The following RAD51C variants were observed in gnomAD, a reference collection of about 807,000 sequenced individuals.
The protein encoded by RAD51C is DNA repair protein RAD51 homolog 3.
RAD51C carries 42 observed loss-of-function variants against 45.0 expected under a neutral mutation model. That is an observed-to-expected ratio of 0.93 (90% CI 0.73 to 1.21). The LOEUF (loss-of-function observed/expected upper bound fraction) is 1.21, where lower values mean the gene tolerates loss of function less well. Among genes scored for constraint, RAD51C ranks in the 50% most tolerant of loss-of-function variants. RAD51C has a pLI of 0.00. For synonymous variants in RAD51C, 172 were observed against 159.8 expected (o/e 1.08, Z -0.58); for missense variants, 474 against 452.2 (o/e 1.05, Z -0.44).
intron 3 of RAD51C, 69 bp downstream of exon 3, chr17:58,696,928 A>T (rs2143751412): frequency 6.6e-7 from 1 of 1,523,802 alleles, no homozygotes; most frequent in Non-Finnish European, 9.1e-7. Flanking sequence ...CCCATCTGAG[A>T]CCTCAGCAAC....
chr17:58,720,712 ACT>A, intron 5 of RAD51C, 32 bp from the exon 6 acceptor site: 7 of 1,516,682 alleles, frequency 4.6e-6, no homozygotes, highest in Non-Finnish European at 6.4e-6. Context: ...TTTCAAAGAG[ACT>A]CACCTAATTT....
At chr17:58,722,910 G>A (rs1440289188) in intron 6 of RAD51C, among the ~76,000 whole-genome samples, 1 of 152,092 alleles carries the variant, frequency 6.6e-6, no homozygotes, top group African/African-American at 2.4e-5. Context: ...GCGTAGAAAT[G>A]GATCATCAGA....
intron 3 of RAD51C, among the ~76,000 whole-genome samples, chr17:58,697,742 C>T (rs1319291933): frequency 6.7e-6 from 1 of 149,796 alleles, no homozygotes; most frequent in Non-Finnish European, 1.5e-5. Context: ...GACAAAGTTT[C>T]GCTTTTGCTG....
rs188278722 is a variant in RAD51C, at chr17:58,704,081, T to C, written c.705+752T>C. Among the ~76,000 whole-genome samples, 33 of 151,172 alleles carry C rather than the reference T, an allele frequency of 2.2e-4. No individual in the cohort carries two copies. In the East Asian group the frequency reaches 6.3e-3, roughly 29 times the overall value. On this transcript the variant is annotated intron_variant, in intron 4 of 8. Transcript: ENST00000337432. ...CTTTAATTTTGGTAAACATTATCAGTGACAAAGATTCTCCTTGACTGAACT... is the reference window on the plus strand; with the variant it reads ...CTTTAATTTTGGTAAACATTATCAGCGACAAAGATTCTCCTTGACTGAACT...
chr17:58,726,064 G>A (rs1449327889), intron 7 of RAD51C, among the ~76,000 whole-genome samples: 4 of 150,920 alleles, frequency 2.7e-5, no homozygotes, highest in Middle Eastern at 3.5e-3. Context: ...TAGATTGGGG[G>A]AAATCTGCTG....
At chr17:58,730,534 C>T (rs2049380215) in intron 7 of RAD51C, among the ~76,000 whole-genome samples, 2 of 152,020 alleles carry the variant, frequency 1.3e-5, no homozygotes, top group South Asian at 4.1e-4. Flanking sequence ...TTTAAAGTTG[C>T]AATTACAGAG....
chr17:58,701,380 C>T (rs1306600433), intron 3 of RAD51C, among the ~76,000 whole-genome samples: 5 of 151,498 alleles, frequency 3.3e-5, no homozygotes, highest in South Asian at 2.1e-4. Context: ...TGGTGGCGGG[C>T]GCCTGTAGTC....
chr17:58,694,841 T>C, intron 1 of RAD51C, 90 bp from the exon 2 acceptor site: 1 of 1,214,188 alleles, frequency 8.2e-7, no homozygotes. Flanking sequence ...AGCATCACTG[T>C]TGTCTACAAA....
intron 5 of RAD51C, among the ~76,000 whole-genome samples, chr17:58,715,143 A>C (rs1332318178): frequency 1.4e-5 from 2 of 143,942 alleles, no homozygotes; most frequent in African/African-American, 5.5e-5. Context: ...AAAAAAAAAA[A>C]CAAAAAAAAA....
chr17:58,695,021 C>T lies in RAD51C; in HGVS notation c.236C>T (p.Ser79Phe), dbSNP rs1555593569. 2 of 1,613,994 alleles carry T rather than the reference C, an allele frequency of 1.2e-6. No homozygotes were observed. The highest frequency in any genetic ancestry group is 8.5e-7 in the Non-Finnish European group (1 of 1,179,942). The change falls in exon 2 of 9, where the codon TCT becomes TTT. Residue 79 changes from serine (S) to phenylalanine (F), a missense_variant. By Grantham distance (155) the Ser-to-Phe change is radical. Transcript: ENST00000337432. ...AATAAACCAAGATATGCTGGTACAT[C>T]TGAGTCACACAAGAAGTGTACAGCA... ...LTNKPRYAGT[S>F]ESHKKCTALE...
chr17:58,696,875 A>T lies in RAD51C; in HGVS notation c.571+16A>T, dbSNP rs141621051. 1 of 1,613,274 alleles carries T rather than the reference A, an allele frequency of 6.2e-7. No homozygotes were observed. The highest frequency in any genetic ancestry group is 8.5e-7 in the Non-Finnish European group (1 of 1,179,234). On this transcript the variant is annotated intron_variant, in intron 3 of 8. Transcript: ENST00000337432. ...AAGGGAGAGGGTAAGTTAGTAAATG[A>T]TCTTCTTTTTTTCTGTATTAATAAA...
At chr17:58,715,508 C>T (rs2048704326) in intron 5 of RAD51C, among the ~76,000 whole-genome samples, 1 of 151,512 alleles carries the variant, frequency 6.6e-6, no homozygotes, top group Non-Finnish European at 1.5e-5. Flanking sequence ...TCTATTCTAC[C>T]CTCCCCCAGT....
intron 7 of RAD51C, among the ~76,000 whole-genome samples, chr17:58,724,782 T>G (rs2049056199): frequency 6.6e-6 from 1 of 152,188 alleles, no homozygotes; most frequent in African/African-American, 2.4e-5. Context: ...GTCAGATTCA[T>G]GCTAGCCTCT....
At chr17:58,714,965 A>G (rs2048680518) in intron 5 of RAD51C, among the ~76,000 whole-genome samples, 1 of 152,028 alleles carries the variant, frequency 6.6e-6, no homozygotes, top group Admixed American at 6.6e-5. Context: ...CCGTCATCCT[A>G]AAAAAGAAAC....
chr17:58,717,683 C>G lies in RAD51C; in HGVS notation c.838-3063C>G, dbSNP rs183698995. On this transcript the variant is annotated intron_variant, in intron 5 of 8. Transcript: ENST00000337432. ...CTCAGGAGGCGGAGGTTGCAGTGAG[C>G]CAAGATCATGCCATTGCACTCCAGC... 3.5e-4 allele frequency among the ~76,000 whole-genome samples: 53 copies of G among 152,192 alleles called. No individual in the cohort carries two copies. The East Asian group carries it at 9.1e-3, about 26-fold the overall frequency.
chr17:58,728,498 A>C (rs1195018049), intron 7 of RAD51C, among the ~76,000 whole-genome samples: 2 of 151,104 alleles, frequency 1.3e-5, no homozygotes, highest in African/African-American at 4.9e-5. Context: ...CCTGGGCTCA[A>C]GCAGTCCTCC....
At chr17:58,698,251 C>T (rs1177740695) in intron 3 of RAD51C, among the ~76,000 whole-genome samples, 5 of 146,154 alleles carry the variant, frequency 3.4e-5, no homozygotes, top group East Asian at 2.1e-4. Flanking sequence ...GGCACAATCT[C>T]GGCTCACTGC....
At chr17:58,730,691 A>G (rs1042615425) in intron 7 of RAD51C, among the ~76,000 whole-genome samples, 38 of 152,108 alleles carry the variant, frequency 2.5e-4, no homozygotes, top group African/African-American at 8.2e-4. Context: ...AAATCATTCT[A>G]TTTTGTGTAA....
chr17:58,715,153 A>C (rs373512622), intron 5 of RAD51C, among the ~76,000 whole-genome samples: 16 of 150,542 alleles, frequency 1.1e-4, no homozygotes, highest in Admixed American at 2.0e-4. Context: ...ACAAAAAAAA[A>C]CAAAAAACCT....
Sources: gnomAD v4.1 joint callset for allele counts (sites outside exome capture counted in the v4.1 genomes callset) on GRCh38, gnomAD v4.1.1 for gene constraint, MANE v1.5 for transcripts, NCBI Gene and HGNC (gene_info 2026-07-23, HGNC 2026-07-21) for gene names.